PTPN3: variants seen among roughly 807,000 people sequenced by gnomAD.
The protein encoded by PTPN3 is protein tyrosine phosphatase non-receptor type 3.
Under a neutral mutation model 132.7 loss-of-function variants are expected in PTPN3, and 96 were observed. The ratio of observed to expected loss-of-function variants is 0.72; its 90% CI spans 0.61 to 0.86. The LOEUF (loss-of-function observed/expected upper bound fraction) is 0.86. PTPN3 is among the 40% of genes least tolerant of loss of function. The pLI, the probability that PTPN3 is intolerant of heterozygous loss-of-function variation, is 0.00. For missense variants in PTPN3, 1,125 were observed against 1,159.6 expected (o/e 0.97, Z 0.43); for synonymous variants, 398 against 429.0 (o/e 0.93, Z 0.89).
chr9:109,379,402 T>C lies in PTPN3; in HGVS notation c.*154A>G. 1.6e-6 allele frequency: 1 copy of C among 637,408 alleles called. No homozygotes were observed. The highest frequency in any genetic ancestry group is 2.8e-6 in the Non-Finnish European group (1 of 361,266). The allele number at this position is 637,408 out of a possible 1,614,324, so 39.5% of individuals were successfully genotyped here. On this transcript the variant is annotated 3_prime_UTR_variant, in exon 26 of 26. Coordinates refer to ENST00000374541, the MANE Select transcript of PTPN3 (RefSeq NM_002829.4). ...TCTACACCAGTTCCTATGTACACGA[T>C]ATCTTTTCTATAGAAGTTTAAAGTG... is the stretch of plus-strand genomic sequence containing the variant.
Position 109,389,382 on chromosome 9 carries a change from G to A in PTPN3, c.2107-3C>T, listed in dbSNP as rs1839870386. 2 of 1,612,572 alleles carry A rather than the reference G, an allele frequency of 1.2e-6. No homozygotes were observed. The highest frequency in any genetic ancestry group is 1.7e-6 in the Non-Finnish European group (2 of 1,179,316). ...AGGTTAGCAGCAGGAATTTCCATCT[G>A]GTAAGAAATTGGTAAAGTATTAGAA... On this transcript the variant is annotated splice_polypyrimidine_tract_variant and splice_region_variant and intron_variant, in intron 21 of 25. Transcript: ENST00000374541.
chr9:109,537,959 C>T, the PTPN3 span, among the ~76,000 whole-genome samples: 1 of 152,192 alleles, frequency 6.6e-6, no homozygotes, highest in African/African-American at 2.4e-5. Flanking sequence ...GCCATGATAA[C>T]CACAAACTTT....
chr9:109,468,261 G>C (rs929784854), intron 1 of PTPN3, among the ~76,000 whole-genome samples: 1 of 152,156 alleles, frequency 6.6e-6, no homozygotes, highest in African/African-American at 2.4e-5. Flanking sequence ...TTATAATATG[G>C]AAGCCAAGCT....
intron 1 of PTPN3, among the ~76,000 whole-genome samples, chr9:109,466,814 A>T (rs1388773948): frequency 2.0e-5 from 3 of 152,198 alleles, no homozygotes; most frequent in Non-Finnish European, 2.9e-5. Flanking sequence ...GGATGTGGCC[A>T]AAGCAGATTG....
chr9:109,482,627 C>T (rs1847012483), intron 1 of PTPN3, among the ~76,000 whole-genome samples: 1 of 152,164 alleles, frequency 6.6e-6, no homozygotes. Flanking sequence ...TGACTCTCTG[C>T]TGCCTCCTGT....
chr9:109,496,048 C>T (rs1037432638), intron 1 of PTPN3, among the ~76,000 whole-genome samples: 8 of 152,232 alleles, frequency 5.3e-5, no homozygotes, highest in African/African-American at 1.9e-4. Flanking sequence ...CTCTGAAATG[C>T]CTTCAGTAAC....
At chr9:109,423,474 C>T (rs1369197191) in intron 12 of PTPN3, among the ~76,000 whole-genome samples, 2 of 152,100 alleles carry the variant, frequency 1.3e-5, no homozygotes, top group African/African-American at 4.8e-5. Flanking sequence ...GGTATAGTGG[C>T]GCATGCCTAT....
chr9:109,502,648 T>C (rs543822822), upstream of PTPN3, among the ~76,000 whole-genome samples: 16 of 152,078 alleles, frequency 1.1e-4, no homozygotes, highest in African/African-American at 3.1e-4. Flanking sequence ...AGAAAAAAAT[T>C]AGCTGGATGT....
At chr9:109,503,952 C>G in the PTPN3 span, among the ~76,000 whole-genome samples, 1 of 152,038 alleles carries the variant, frequency 6.6e-6, no homozygotes, top group Non-Finnish European at 1.5e-5. Flanking sequence ...AGCATACGGT[C>G]TAATAGAGCA....
At chr9:109,422,426 T>C (rs1032226016) in intron 13 of PTPN3, among the ~76,000 whole-genome samples, 1 of 152,196 alleles carries the variant, frequency 6.6e-6, no homozygotes, top group Non-Finnish European at 1.5e-5. Context: ...CTCAGAGTGT[T>C]TAATATGCTA....
intron 6 of PTPN3, among the ~76,000 whole-genome samples, chr9:109,447,237 C>A (rs1844923248): frequency 6.6e-6 from 1 of 152,130 alleles, no homozygotes; most frequent in Non-Finnish European, 1.5e-5. Context: ...CCTGAGGAGG[C>A]AAGGCCCTGG....
At chr9:109,414,699 T>G (rs1179737365) in intron 14 of PTPN3, among the ~76,000 whole-genome samples, 1 of 152,158 alleles carries the variant, frequency 6.6e-6, no homozygotes, top group Non-Finnish European at 1.5e-5. Flanking sequence ...CATGAATCTG[T>G]CTAGGCTTCC....
intron 9 of PTPN3, among the ~76,000 whole-genome samples, chr9:109,433,695 C>A: frequency 6.6e-6 from 1 of 152,088 alleles, no homozygotes; most frequent in Non-Finnish European, 1.5e-5. Flanking sequence ...CCCTTGAGCC[C>A]AGGAGTTTGA....
rs755513213 is a variant in PTPN3 at position 109,383,507 on chromosome 9, G to T, written c.2298C>A (p.Asn766Lys). 3.9e-5 allele frequency: 63 copies of T among 1,613,998 alleles called. No homozygotes were observed. The highest frequency in any genetic ancestry group is 5.1e-5 in the Non-Finnish European group (60 of 1,180,040). Residue 766 changes from asparagine to lysine, a missense_variant, in exon 23 of 26, where the codon AAC (asparagine) becomes AAA (lysine). Coordinates refer to ENST00000374541, the MANE Select transcript of PTPN3 (RefSeq NM_002829.4). ...GACACTGGATGTGAAAGCCGCCGTG[G>T]TTCATGACGTCGGGGGGATCTGGCC... ...QYWPDPPDVM[N>K]HGGFHIQCQS... is the part of the protein sequence containing the mutation.
intron 14 of PTPN3, among the ~76,000 whole-genome samples, chr9:109,413,184 G>A (rs1035873606): frequency 1.3e-5 from 2 of 150,768 alleles, no homozygotes; most frequent in African/African-American, 4.9e-5. Context: ...TCGATCTCTT[G>A]ACCTTGTGAT....
At chr9:109,478,998 G>A (rs372196631) in intron 1 of PTPN3, among the ~76,000 whole-genome samples, 3 of 151,128 alleles carry the variant, frequency 2.0e-5, no homozygotes, top group African/African-American at 7.3e-5. Flanking sequence ...TTAAATCTCC[G>A]GTAAACAAGC....
At chr9:109,519,337 C>A in the PTPN3 span, among the ~76,000 whole-genome samples, 2 of 152,158 alleles carry the variant, frequency 1.3e-5, no homozygotes, top group Admixed American at 1.3e-4. Context: ...CAACCGTAGG[C>A]TAATGTAAGT....
rs371346322 is a variant in PTPN3, at chr9:109,473,097, A to G, written c.-17-9646T>C. On this transcript the variant is annotated intron_variant, in intron 1 of 25. Transcript: ENST00000374541. ...GATTTATGAACATATTTAATACTCG[A>G]GTCTTCAGATTTTTCTCTAGCACAA... is the stretch of plus-strand genomic sequence containing the variant. Among the ~76,000 whole-genome samples the G allele has an allele frequency of 3.9e-4, 59 of 152,320 alleles. No individual in the cohort carries two copies. The South Asian group carries it at 0.012, about 30-fold the overall frequency.
chr9:109,408,935 G>A (rs1453925845), intron 16 of PTPN3, among the ~76,000 whole-genome samples: 4 of 151,036 alleles, frequency 2.6e-5, no homozygotes, highest in Admixed American at 6.6e-5. Flanking sequence ...CCCTGTGAGC[G>A]CATCTGGCCT....
Sources: allele counts gnomAD v4.1 joint callset (sites outside exome capture counted in the v4.1 genomes callset), GRCh38; gene constraint gnomAD v4.1.1; transcripts MANE v1.5; gene names NCBI Gene and HGNC (gene_info 2026-07-23, HGNC 2026-07-21).